USP30: variants seen among roughly 807,000 people sequenced by gnomAD.
The protein encoded by USP30 is ubiquitin carboxyl-terminal hydrolase 30.
A neutral mutation model predicts 68.2 loss-of-function variants in USP30; 41 were observed. The ratio of observed to expected loss-of-function variants is 0.60; its 90% CI spans 0.47 to 0.78. The LOEUF is 0.78. Among genes scored for constraint, USP30 ranks in the 30% least tolerant of loss-of-function variants. USP30 has a pLI of 0.00. For synonymous variants in USP30, 229 were observed against 253.7 expected (o/e 0.90, Z 0.93); for missense variants, 522 against 649.4 (o/e 0.80, Z 2.13).
intron 7 of USP30, among the ~76,000 whole-genome samples, chr12:109,079,246 A>T (rs909895220): frequency 4.8e-5 from 7 of 145,478 alleles, no homozygotes; most frequent in Non-Finnish European, 1.5e-5. Flanking sequence ...ATTTTCTTCA[A>T]TCTTTCTTCT....
chr12:109,064,578 C>T (rs988621797), intron 3 of USP30, among the ~76,000 whole-genome samples: 1 of 152,206 alleles, frequency 6.6e-6, no homozygotes, highest in Admixed American at 6.6e-5. Context: ...CTGCACCTGG[C>T]CTCATTCACT....
chr12:109,076,879 C>T (rs1041132458), intron 7 of USP30, among the ~76,000 whole-genome samples: 6 of 151,678 alleles, frequency 4.0e-5, no homozygotes, highest in African/African-American at 1.5e-4. Flanking sequence ...CTACAGGCGC[C>T]CGCCACCACG....
chr12:109,047,835 C>T (rs2040619359), upstream of USP30: 1 of 152,050 alleles, frequency 6.6e-6, no homozygotes, highest in Non-Finnish European at 1.5e-5. Flanking sequence ...ACAAAAAATA[C>T]AAAAAATTAG....
intron 7 of USP30, among the ~76,000 whole-genome samples, chr12:109,076,654 G>C (rs2041617024): frequency 6.7e-6 from 1 of 149,938 alleles, no homozygotes; most frequent in Admixed American, 6.6e-5. Flanking sequence ...GATTTTGTCA[G>C]TTTTTTCTGC....
intron 8 of USP30, 117 bp from the exon 9 acceptor site, chr12:109,081,816 A>C (rs1024373624): frequency 3.8e-6 from 4 of 1,051,346 alleles, no homozygotes; most frequent in Middle Eastern, 2.1e-4. Context: ...TGTGACTATA[A>C]AACTTTATTG....
At chr12:109,054,986 A>G (rs2040797628) in intron 1 of USP30, among the ~76,000 whole-genome samples, 1 of 152,216 alleles carries the variant, frequency 6.6e-6, no homozygotes, top group African/African-American at 2.4e-5. Context: ...CAATATTCAC[A>G]TGATCCAAAT....
At position 109,082,910 on chromosome 12, in the gene USP30, G is replaced by T; in HGVS notation, c.1016G>T (p.Arg339Leu). Residue 339 changes from arginine to leucine, a missense_variant, in exon 11 of 13, where the codon CGG (arginine) becomes CTG (leucine). Coordinates refer to ENST00000257548, the MANE Select transcript of USP30 (RefSeq NM_032663.5). ...SWSSHGTPLK[R>L]HEHVQFNEFL... Reference sequence around the variant, plus strand: ...TCCAGCCACGGCACGCCTCTGAAGCGGCATGAGCACGTGCAGTTCAATGAG... The same window carrying T: ...TCCAGCCACGGCACGCCTCTGAAGCTGCATGAGCACGTGCAGTTCAATGAG... 6.2e-7 allele frequency: 1 copy of T among 1,614,196 alleles called. No individual in the cohort carries two copies. Among genetic ancestry groups the T allele is most frequent in the Non-Finnish European group, 8.5e-7 (1 of 1,180,030 alleles).
rs188126959 is a variant in USP30, at chr12:109,062,570, C to T, written c.376+4462C>T. Among the ~76,000 whole-genome samples, 329 of 152,000 alleles carry T rather than the reference C, an allele frequency of 2.2e-3. 2 individuals are homozygous for T. The highest frequency in any genetic ancestry group is 7.4e-3 in the African/African-American group (307 of 41,452). ...GTCTCAATCTCCTGACCTCGTGATC[C>T]GCCCGCCTTGGCCTCCCAAAGTGCT... On this transcript the variant is annotated intron_variant, in intron 3 of 12. Transcript: ENST00000257548.
chr12:109,069,596 A>G (rs2041366020), intron 4 of USP30, among the ~76,000 whole-genome samples: 1 of 152,230 alleles, frequency 6.6e-6, no homozygotes, highest in South Asian at 2.1e-4. Context: ...AGGGCAATGG[A>G]GTCGTAGCAG....
At chr12:109,032,919 A>G (rs1189057881) in intron 3 of USP30, among the ~76,000 whole-genome samples, 4 of 152,192 alleles carry the variant, frequency 2.6e-5, no homozygotes, top group African/African-American at 4.8e-5. Flanking sequence ...TCTTAAAACA[A>G]AAGTGAATAC....
At chr12:109,056,932 A>T in intron 2 of USP30, 141 bp downstream of exon 2, 1 of 529,308 alleles carries the variant, frequency 1.9e-6, no homozygotes, top group Non-Finnish European at 3.2e-6. Context: ...TTCAAACAGT[A>T]CTTTTACCGT....
intron 1 of USP30, among the ~76,000 whole-genome samples, chr12:109,023,899 C>A (rs552920071): frequency 1.3e-5 from 2 of 152,020 alleles, no homozygotes; most frequent in African/African-American, 4.8e-5. Flanking sequence ...TCCCAAAGTG[C>A]TGGGATTACA....
At chr12:109,082,805 A>G (rs746062009) in intron 10 of USP30, 38 bp from the exon 11 acceptor site, 3 of 1,610,120 alleles carry the variant, frequency 1.9e-6, no homozygotes, top group South Asian at 2.2e-5. Flanking sequence ...CCTGCCCCTG[A>G]AACAACTCGG....
chr12:109,032,551 C>T (rs969488610), intron 3 of USP30, among the ~76,000 whole-genome samples: 5 of 152,176 alleles, frequency 3.3e-5, no homozygotes, highest in Non-Finnish European at 5.9e-5. Context: ...TAGAAGGCCA[C>T]ATGTTGTACA....
chr12:109,072,187 A>G lies in USP30; in HGVS notation c.580-118A>G, dbSNP rs565023108. On this transcript the variant is annotated intron_variant, in intron 5 of 12. Coordinates refer to ENST00000257548, the MANE Select transcript of USP30 (RefSeq NM_032663.5). ...CTTTAGAAACCTGAGCTTTGTTAAAAGTTGATTTTTAGTGGTGTAATCAAC... is the reference window on the plus strand; with the variant it reads ...CTTTAGAAACCTGAGCTTTGTTAAAGGTTGATTTTTAGTGGTGTAATCAAC... 8.0e-5 allele frequency: 68 copies of G among 845,606 alleles called. No individual in the cohort carries two copies. The South Asian group carries it at 9.8e-4, about 12-fold the overall frequency. 52.4% of individuals were successfully genotyped at this position (845,606 alleles called of 1,614,324 possible).
intron 12 of USP30, among the ~76,000 whole-genome samples, 200 bp from the exon 13 acceptor site, chr12:109,085,467 C>T (rs967881647): frequency 1.3e-5 from 2 of 152,150 alleles, no homozygotes; most frequent in African/African-American, 4.8e-5. Flanking sequence ...TCCACATATA[C>T]ACAATATACA....
upstream of USP30, among the ~76,000 whole-genome samples, chr12:109,051,713 G>A (rs950708535): frequency 2.0e-5 from 3 of 151,366 alleles, no homozygotes; most frequent in Non-Finnish European, 4.4e-5. Flanking sequence ...GGAATTACAG[G>A]AGCCTGCCAC....
intron 11 of USP30, among the ~76,000 whole-genome samples, chr12:109,084,317 G>A (rs1293941373): frequency 2.0e-5 from 3 of 152,138 alleles, no homozygotes; most frequent in African/African-American, 7.2e-5. Flanking sequence ...TGTAAATATG[G>A]CCTTAATTAT....
chr12:109,035,011 T>C (rs1001339919), intron 3 of USP30, among the ~76,000 whole-genome samples: 25 of 152,210 alleles, frequency 1.6e-4, no homozygotes, highest in African/African-American at 6.0e-4. Flanking sequence ...TTTGTGTCTA[T>C]GAATCTGAAA....
Sources: gnomAD v4.1 joint callset for allele counts (sites outside exome capture counted in the v4.1 genomes callset) on GRCh38, gnomAD v4.1.1 for gene constraint, MANE v1.5 for transcripts, NCBI Gene and HGNC (gene_info 2026-07-23, HGNC 2026-07-21) for gene names.